Variants in ADGRL3 observed in about 807,000 individuals in gnomAD.
ADGRL3 encodes adhesion G protein-coupled receptor L3, also known as calcium-independent alpha-latrotoxin receptor 3.
Under a neutral mutation model 153.5 loss-of-function variants are expected in ADGRL3, and 62 were observed. The observed-to-expected ratio is 0.40, with a 90% confidence interval of 0.33 to 0.50. ADGRL3 has a LOEUF of 0.50. Among genes scored for constraint, ADGRL3 ranks in the 20% least tolerant of loss-of-function variants. The pLI, the probability that ADGRL3 is intolerant of heterozygous loss-of-function variation, is 0.47. For missense variants in ADGRL3, 1,641 were observed against 1,859.4 expected, an observed-to-expected ratio of 0.88 and a Z score of 2.16; for synonymous variants, 710 against 672.5, an observed-to-expected ratio of 1.06 and a Z score of -0.86.
chr4:61,872,716 AAT>A (rs1478338073), intron 9 of ADGRL3, among the ~76,000 whole-genome samples: 2 of 152,014 alleles, frequency 1.3e-5, no homozygotes, highest in East Asian at 1.9e-4. Flanking sequence ...TCCAGAAAAA[AAT>A]ATATATGTCT....
At chr4:61,656,060 G>C (rs1037326040) in intron 5 of ADGRL3, among the ~76,000 whole-genome samples, 2 of 152,118 alleles carry the variant, frequency 1.3e-5, no homozygotes, top group African/African-American at 4.8e-5. Flanking sequence ...CTTAATCACA[G>C]GTTTTTGATG....
At chr4:61,797,632 A>G in intron 8 of ADGRL3, among the ~76,000 whole-genome samples, 1 of 152,184 alleles carries the variant, frequency 6.6e-6, no homozygotes. Context: ...TACCTTTTAT[A>G]ACAGTTTATT....
intron 2 of ADGRL3, among the ~76,000 whole-genome samples, chr4:61,399,085 A>G (rs1468890289): frequency 6.6e-6 from 1 of 151,760 alleles, no homozygotes; most frequent in Non-Finnish European, 1.5e-5. Context: ...ACAATCCTTT[A>G]CTTGTAAGTA....
intron 8 of ADGRL3, among the ~76,000 whole-genome samples, chr4:61,747,577 C>T (rs2096684234): frequency 6.9e-6 from 1 of 145,442 alleles, no homozygotes; most frequent in South Asian, 2.2e-4. Flanking sequence ...AAATGTAATC[C>T]AGCATATAAA....
rs377643253 is a variant in ADGRL3, at chr4:61,892,746, C to G, written c.1571C>G (p.Thr524Ser). 2 of 1,613,780 alleles carry G rather than the reference C, an allele frequency of 1.2e-6. No individual in the cohort carries two copies. Among genetic ancestry groups the G allele is most frequent in the African/African-American group, 2.7e-5 (2 of 74,916 alleles). The change falls in exon 10 of 27, where the codon ACC becomes AGC. Residue 524 changes from threonine to serine, a missense_variant. Coordinates refer to ENST00000683033, the MANE Select transcript of ADGRL3 (RefSeq NM_001387552.1). ...ACTTTGAGCCCAGGAAGGAGTACCA[C>G]CCCGTCAGTGTCAGGAAGAAGAAAC... ...TTTLSPGRST[T>S]PSVSGRRNRS...
At chr4:61,923,445 GA>G (rs1376322369) in intron 13 of ADGRL3, among the ~76,000 whole-genome samples, 1 of 150,522 alleles carries the variant, frequency 6.6e-6, no homozygotes, top group Admixed American at 6.6e-5. Context: ...TGCCCTTATA[GA>G]AAAAAATCCC....
chr4:61,626,133 CAA>C (rs139960985), intron 5 of ADGRL3, among the ~76,000 whole-genome samples: 1 of 148,332 alleles, frequency 6.7e-6, no homozygotes, highest in South Asian at 2.1e-4. Context: ...TTAAAATCTA[CAA>C]AAAAAAAATT....
chr4:61,602,653 A>G (rs1433318255), intron 5 of ADGRL3, among the ~76,000 whole-genome samples: 1 of 152,144 alleles, frequency 6.6e-6, no homozygotes, highest in Non-Finnish European at 1.5e-5. Flanking sequence ...GAAAGAACAG[A>G]GCTCACCAAA....
intron 13 of ADGRL3, among the ~76,000 whole-genome samples, chr4:61,919,515 T>G (rs1437274949): frequency 6.6e-6 from 1 of 152,130 alleles, no homozygotes; most frequent in Admixed American, 6.6e-5. Flanking sequence ...AAAACCAGAG[T>G]ACTGTAGTTT....
chr4:61,945,890 C>T (rs996296388), intron 15 of ADGRL3, among the ~76,000 whole-genome samples: 21 of 152,102 alleles, frequency 1.4e-4, no homozygotes, highest in African/African-American at 4.8e-4. Context: ...AGAAATCACC[C>T]GTCTTCTGCG....
chr4:61,604,336 T>TTA (rs2099023621), intron 5 of ADGRL3, among the ~76,000 whole-genome samples: 1 of 152,324 alleles, frequency 6.6e-6, no homozygotes, highest in Admixed American at 6.5e-5. Context: ...TGAGCCATGC[T>TTA]TATACTAACT....
intron 9 of ADGRL3, among the ~76,000 whole-genome samples, chr4:61,848,151 A>G (rs1218315466): frequency 7.8e-6 from 1 of 128,726 alleles, no homozygotes; most frequent in African/African-American, 3.0e-5. Context: ...ATGTATCACA[A>G]ATTTTATCAT....
intron 1 of ADGRL3, among the ~76,000 whole-genome samples, chr4:61,317,063 T>C (rs1234984744): frequency 6.6e-6 from 1 of 152,220 alleles, no homozygotes; most frequent in Non-Finnish European, 1.5e-5. Flanking sequence ...TTTCTTTCAT[T>C]ATCTAGAAAG....
chr4:61,377,227 T>C (rs2096614377), intron 1 of ADGRL3, among the ~76,000 whole-genome samples: 1 of 152,102 alleles, frequency 6.6e-6, no homozygotes, highest in African/African-American at 2.4e-5. Context: ...TATCCTACCC[T>C]ACCTTATATG....
intron 3 of ADGRL3, among the ~76,000 whole-genome samples, chr4:61,507,125 A>T (rs1382512178): frequency 6.6e-6 from 1 of 152,108 alleles, no homozygotes; most frequent in African/African-American, 2.4e-5. Context: ...AGCAATGATC[A>T]TTTTTCTTCT....
At chr4:61,211,280 A>G (rs569196232) in intron 1 of ADGRL3, among the ~76,000 whole-genome samples, 3 of 152,172 alleles carry the variant, frequency 2.0e-5, no homozygotes, top group South Asian at 4.2e-4. Flanking sequence ...GAAAAATTGG[A>G]TACCTCTAGC....
chr4:61,732,090 T>A (rs1303985567), intron 7 of ADGRL3, among the ~76,000 whole-genome samples: 1 of 152,140 alleles, frequency 6.6e-6, no homozygotes, highest in Non-Finnish European at 1.5e-5. Context: ...TTCTGTAACC[T>A]TTCACCTTTT....
intron 2 of ADGRL3, among the ~76,000 whole-genome samples, chr4:61,486,576 T>C (rs1468617985): frequency 6.6e-6 from 1 of 152,188 alleles, no homozygotes; most frequent in Non-Finnish European, 1.5e-5. Flanking sequence ...GAGTTAGAAT[T>C]AGTATGAGAA....
chr4:61,547,346 G>T (rs2098718517), intron 4 of ADGRL3, among the ~76,000 whole-genome samples: 1 of 151,354 alleles, frequency 6.6e-6, no homozygotes, highest in Admixed American at 6.6e-5. Flanking sequence ...AGAGGAATTT[G>T]GTACACAGAT....
Sources: allele counts gnomAD v4.1 joint callset (sites outside exome capture counted in the v4.1 genomes callset), GRCh38; gene constraint gnomAD v4.1.1; transcripts MANE v1.5; gene names NCBI Gene and HGNC (gene_info 2026-07-23, HGNC 2026-07-21).